The following ANK2 variants were observed in gnomAD, a reference collection of about 807,000 sequenced individuals.
ANK2 encodes the protein ankyrin-2.
ANK2 carries 83 observed loss-of-function variants against 360.5 expected under a neutral mutation model. The observed-to-expected ratio is 0.23, with a 90% CI of 0.19 to 0.28. ANK2 has a LOEUF of 0.28. ANK2 is among the 10% of genes least tolerant of loss of function. The probability of loss-of-function intolerance (pLI) is 1.00; values close to 1 mark genes in which losing one functional copy is unlikely to be tolerated. For missense variants in ANK2, 4,201 were observed against 4,795.7 expected, an observed-to-expected ratio of 0.88 and a Z score of 3.66; for synonymous variants, 1,740 against 1,759.5, an observed-to-expected ratio of 0.99 and a Z score of 0.28.
At chr4:113,057,325 A>G (rs1280370931) in intron 1 of ANK2, among the ~76,000 whole-genome samples, 1 of 152,186 alleles carries the variant, frequency 6.6e-6, no homozygotes, top group African/African-American at 2.4e-5. Flanking sequence ...AAACCCTATG[A>G]GTGGGTGAAC....
chr4:112,986,147 C>G (rs28515556), intron 2 of ANK2, among the ~76,000 whole-genome samples: 1 of 149,556 alleles, frequency 6.7e-6, no homozygotes, highest in African/African-American at 2.5e-5. Context: ...TCAGAGAATT[C>G]AAAATCCAGG....
At chr4:112,743,477 TTC>T in the ANK2 span, among the ~76,000 whole-genome samples, 1 of 151,490 alleles carries the variant, frequency 6.6e-6, no homozygotes, top group Admixed American at 6.6e-5. Context: ...ATCTCGGTCT[TTC>T]TCTCTTTCTC....
intron 2 of ANK2, among the ~76,000 whole-genome samples, chr4:112,918,438 GCCGCA>G (rs2090542592): frequency 6.6e-6 from 1 of 152,146 alleles, no homozygotes; most frequent in South Asian, 2.1e-4. Context: ...TCCCAGATTT[GCCGCA>G]CCCACTCTCA....
At chr4:112,965,182 A>C (rs898799851) in intron 2 of ANK2, among the ~76,000 whole-genome samples, 6 of 152,114 alleles carry the variant, frequency 3.9e-5, no homozygotes, top group Admixed American at 2.6e-4. Flanking sequence ...TCTCTTTTGG[A>C]TAAAAACCAT....
intron 1 of ANK2, among the ~76,000 whole-genome samples, chr4:113,099,447 A>G (rs1562055080): frequency 6.6e-6 from 1 of 151,992 alleles, no homozygotes; most frequent in Non-Finnish European, 1.5e-5. Context: ...TGTATAAGAT[A>G]TATATGAGAA....
chr4:113,258,715 C>T (rs1318001818), intron 13 of ANK2, among the ~76,000 whole-genome samples: 1 of 152,160 alleles, frequency 6.6e-6, no homozygotes, highest in African/African-American at 2.4e-5. Flanking sequence ...ATTTTAAAAG[C>T]TCCTCTGCAA....
chr4:113,288,464 C>A lies in ANK2; in HGVS notation c.2255C>A (p.Ala752Glu). ...KMVNFLLKQG[A>E]NVNAKTKNGY... ...GTCAACTTTCTTCTGAAGCAGGGAG[C>A]AAATGTTAACGCAAAAACCAAGGTA... The change falls in exon 20 of 46, where the codon GCA becomes GAA. Residue 752 changes from alanine to glutamate, a missense_variant. Transcript: ENST00000357077. 2.5e-6 allele frequency: 4 copies of A among 1,613,800 alleles called. No individual in the cohort carries two copies. Among genetic ancestry groups the A allele is most frequent in the Non-Finnish European group, 3.4e-6 (4 of 1,179,816 alleles).
At chr4:112,904,360 A>G (rs1452945919) in intron 1 of ANK2, 6 of 670,490 alleles carry the variant, frequency 8.9e-6, no homozygotes, top group African/African-American at 1.9e-5. Context: ...AGTGCCTCCT[A>G]TAAGCTTATT....
intron 45 of ANK2, among the ~76,000 whole-genome samples, chr4:113,377,121 G>A (rs1274060501): frequency 6.6e-6 from 1 of 151,886 alleles, no homozygotes; most frequent in East Asian, 1.9e-4. Flanking sequence ...GACTGTTACT[G>A]ATTTATGTAT....
At position 113,321,755 on chromosome 4, in the gene ANK2, C is replaced by T. The variant is rs539242599; in HGVS notation, c.2900+3135C>T. ...AAAATGTAAGGAAAAAAAAAGGAGA[C>T]GAAGTCTTACTCTGTCACCCAGGCT... On this transcript the variant is annotated intron_variant, in intron 26 of 45. Coordinates refer to ENST00000357077, the MANE Select transcript of ANK2 (RefSeq NM_001148.6). 7.2e-5 allele frequency among the ~76,000 whole-genome samples: 11 copies of T among 152,086 alleles called. 1 individual carries two copies. The South Asian group carries it at 1.7e-3, about 23-fold the overall frequency.
chr4:113,248,083 C>A (rs539814691), intron 9 of ANK2, among the ~76,000 whole-genome samples: 1 of 152,236 alleles, frequency 6.6e-6, no homozygotes, highest in East Asian at 1.9e-4. Flanking sequence ...CATGCTAATT[C>A]TTAGGTACCC....
At chr4:113,099,961 G>A (rs917785565) in intron 1 of ANK2, among the ~76,000 whole-genome samples, 6 of 151,892 alleles carry the variant, frequency 4.0e-5, no homozygotes, top group Admixed American at 6.6e-5. Flanking sequence ...TATACTTTTC[G>A]CAAAAAGTGA....
At chr4:112,745,757 T>A in the ANK2 span, among the ~76,000 whole-genome samples, 1 of 152,106 alleles carries the variant, frequency 6.6e-6, no homozygotes, top group Non-Finnish European at 1.5e-5. Flanking sequence ...GGTCTCGAAC[T>A]CCTGACCTCC....
intron 2 of ANK2, among the ~76,000 whole-genome samples, chr4:112,996,645 T>G (rs932631258): frequency 5.9e-5 from 9 of 152,126 alleles, no homozygotes; most frequent in African/African-American, 1.9e-4. Flanking sequence ...ATGGGGTACA[T>G]GTGATGTTTT....
Position 113,383,605 on chromosome 4 carries a change from A to T in ANK2, c.*2134A>T, listed in dbSNP as rs765443750. On this transcript the variant is annotated 3_prime_UTR_variant, in exon 46 of 46. Transcript: ENST00000357077. The stretch of plus-strand genomic sequence containing the variant: ...GAATCAGCATCTTGTTCCCATGGTG[A>T]TAACACTAATTGAATATATCTATGA... The T allele has an allele frequency of 1.0e-4, 16 of 152,644 alleles. No individual in the cohort carries two copies. The highest frequency in any genetic ancestry group is 1.3e-4 in the Non-Finnish European group (9 of 68,046). 9.5% of individuals were successfully genotyped at this position (152,644 alleles called of 1,614,324 possible). A position where few individuals can be genotyped will look rare whatever the true frequency, so the allele number is the denominator to read the frequency against.
At position 113,356,645 on chromosome 4, in the gene ANK2, G is replaced by C. The variant is rs752323136; in HGVS notation, c.8027G>C (p.Gly2676Ala). 1 of 1,614,076 alleles carries C rather than the reference G, an allele frequency of 6.2e-7. No homozygotes were observed. The highest frequency in any genetic ancestry group is 8.5e-7 in the Non-Finnish European group (1 of 1,179,952). Residue 2676 changes from glycine to alanine, a missense_variant, in exon 38 of 46, where the codon GGT becomes GCT. Physicochemically the swap from Gly to Ala is moderately conservative, Grantham distance 60. Transcript: ENST00000357077. ...SEPELAQLKK[G>A]ADSGLLPEPV... ...CCTGAGTTGGCACAGCTTAAAAAAGGTGCTGACTCAGGCCTTTTACCAGAA... is the reference window on the plus strand; with the variant it reads ...CCTGAGTTGGCACAGCTTAAAAAAGCTGCTGACTCAGGCCTTTTACCAGAA...
chr4:112,962,068 C>T (rs111469768), intron 2 of ANK2, among the ~76,000 whole-genome samples: 3,492 of 152,092 alleles, frequency 0.023, 114 homozygotes, highest in African/African-American at 0.076. Context: ...TTATTTGTTT[C>T]TATTAATTTT....
intron 2 of ANK2, among the ~76,000 whole-genome samples, chr4:113,017,635 A>G (rs2056990641): frequency 6.6e-6 from 1 of 152,212 alleles, no homozygotes; most frequent in South Asian, 2.1e-4. Context: ...TTGGATTTGC[A>G]TCTATCATTC....
At position 113,336,205 on chromosome 4, in the gene ANK2, T is replaced by A. The variant is rs976208625; in HGVS notation, c.3591+148T>A. 2.4e-5 allele frequency: 20 copies of A among 847,930 alleles called. 1 individual carries two copies. The South Asian group carries it at 3.4e-4, about 14-fold the overall frequency. The allele number at this position is 847,930 out of a possible 1,614,324, so 52.5% of individuals were successfully genotyped here. A position where few individuals can be genotyped will look rare whatever the true frequency, so the allele number is the denominator to read the frequency against. On this transcript the variant is annotated intron_variant, in intron 30 of 45. Transcript: ENST00000357077. ...GTAAAGCTAAAGTCAAAATCCATAT[T>A]TATTGGTTACTAATCTATTTAAAAA...
Sources: gnomAD v4.1 joint callset for allele counts (sites outside exome capture counted in the v4.1 genomes callset) on GRCh38, gnomAD v4.1.1 for gene constraint, MANE v1.5 for transcripts, NCBI Gene and HGNC (gene_info 2026-07-23, HGNC 2026-07-21) for gene names.